The following PGCKA1 variants were observed in gnomAD, a reference collection of about 807,000 sequenced individuals.
PGCKA1 encodes PDCD10 and GCKIII kinases-associated protein 1.
At chr4:37,524,057 A>G in the PGCKA1 span, among the ~76,000 whole-genome samples, 3 of 152,234 alleles carry the variant, frequency 2.0e-5, no homozygotes, top group Admixed American at 1.3e-4. Context: ...TGGCATTTAC[A>G]TTTCAAGAAG....
chr4:37,495,860 G>GA, the PGCKA1 span, among the ~76,000 whole-genome samples: 775 of 147,758 alleles, frequency 5.2e-3, 7 homozygotes, highest in African/African-American at 0.015. Context: ...TATAATTTAA[G>GA]AAAAAAAAAA....
chr4:37,470,937 A>T, the PGCKA1 span, among the ~76,000 whole-genome samples: 1 of 152,214 alleles, frequency 6.6e-6, no homozygotes, highest in Non-Finnish European at 1.5e-5. Flanking sequence ...CTCAACAAAT[A>T]TGTATTCAAC....
chr4:37,459,605 T>A, the PGCKA1 span, among the ~76,000 whole-genome samples: 2 of 152,172 alleles, frequency 1.3e-5, no homozygotes, highest in Non-Finnish European at 2.9e-5. Context: ...ACCAGCAGCA[T>A]CATAACCATC....
chr4:37,498,636 A>G, the PGCKA1 span, among the ~76,000 whole-genome samples: 5 of 152,050 alleles, frequency 3.3e-5, no homozygotes, highest in Non-Finnish European at 5.9e-5. Context: ...TGTTAGGTAT[A>G]TTCCTAAATA....
At chr4:37,504,326 A>G in the PGCKA1 span, among the ~76,000 whole-genome samples, 3 of 152,140 alleles carry the variant, frequency 2.0e-5, no homozygotes, top group East Asian at 1.9e-4. Flanking sequence ...GTTTTGTACT[A>G]TAGCTCTATA....
chr4:37,535,397 A>T, the PGCKA1 span, among the ~76,000 whole-genome samples: 6 of 152,282 alleles, frequency 3.9e-5, no homozygotes, highest in South Asian at 1.2e-3. Flanking sequence ...CAAAAAACAG[A>T]ATATTTTTTC....
chr4:37,472,004 G>A, the PGCKA1 span, among the ~76,000 whole-genome samples: 1 of 152,124 alleles, frequency 6.6e-6, no homozygotes, highest in Non-Finnish European at 1.5e-5. Context: ...TGATTAATAT[G>A]TATGGCTACC....
the PGCKA1 span, among the ~76,000 whole-genome samples, chr4:37,585,016 T>C: frequency 6.7e-6 from 1 of 149,376 alleles, no homozygotes; most frequent in Admixed American, 6.7e-5. Context: ...GTTTTTTTTT[T>C]TTTTTTTACT....
the PGCKA1 span, among the ~76,000 whole-genome samples, chr4:37,518,668 T>C: frequency 6.6e-6 from 1 of 152,232 alleles, no homozygotes; most frequent in Admixed American, 6.5e-5. Context: ...ATTCTGATTA[T>C]GAATCCCTTG....
At chr4:37,552,691 T>C in the PGCKA1 span, among the ~76,000 whole-genome samples, 1 of 152,208 alleles carries the variant, frequency 6.6e-6, no homozygotes, top group African/African-American at 2.4e-5. Context: ...CTTTTTTTTA[T>C]CTCATCATTA....
the PGCKA1 span, among the ~76,000 whole-genome samples, chr4:37,484,858 C>T: frequency 0.062 from 9,451 of 152,242 alleles, 368 homozygotes; most frequent in Middle Eastern, 0.088. Flanking sequence ...TCCCAACCTC[C>T]ATAACTGTGA....
At chr4:37,536,535 T>C in the PGCKA1 span, among the ~76,000 whole-genome samples, 1 of 152,096 alleles carries the variant, frequency 6.6e-6, no homozygotes, top group Non-Finnish European at 1.5e-5. Flanking sequence ...CTCACTCAGG[T>C]GTCTCTTGGC....
At chr4:37,557,972 CTG>C in the PGCKA1 span, 11 of 152,168 alleles carry the variant, frequency 7.2e-5, no homozygotes, top group African/African-American at 2.4e-4. Context: ...TAATACCTGA[CTG>C]TGAAAAGAAG....
chr4:37,590,079 T>G, the PGCKA1 span: 1 of 1,603,364 alleles, frequency 6.2e-7, no homozygotes, highest in Non-Finnish European at 8.5e-7. Context: ...TTCATTGTCT[T>G]TCCTGAAGCT....
chr4:37,560,919 A>G, the PGCKA1 span, among the ~76,000 whole-genome samples: 1 of 150,834 alleles, frequency 6.6e-6, no homozygotes, highest in African/African-American at 2.4e-5. Flanking sequence ...AAACCATCCT[A>G]TAATCCTATA....
At chr4:37,577,346 C>T in the PGCKA1 span, among the ~76,000 whole-genome samples, 2 of 151,992 alleles carry the variant, frequency 1.3e-5, no homozygotes, top group Non-Finnish European at 2.9e-5. Context: ...TCTAGATTTT[C>T]CAGTTTATTG....
At chr4:37,487,284 C>A in the PGCKA1 span, among the ~76,000 whole-genome samples, 2 of 152,166 alleles carry the variant, frequency 1.3e-5, no homozygotes, top group African/African-American at 4.8e-5. Flanking sequence ...TGTACATGAA[C>A]TACACTCACC....
the PGCKA1 span, among the ~76,000 whole-genome samples, chr4:37,569,705 C>T: frequency 6.6e-6 from 1 of 152,044 alleles, no homozygotes; most frequent in Non-Finnish European, 1.5e-5. Context: ...GTTCTGTAGC[C>T]CAATAATGTA....
At chr4:37,477,055 GA>G in the PGCKA1 span, among the ~76,000 whole-genome samples, 1,907 of 152,086 alleles carry the variant, frequency 0.013, 61 homozygotes, top group East Asian at 0.11. Context: ...AATATCCAAG[GA>G]AAAAAACATA....
Sources: allele counts gnomAD v4.1 joint callset (sites outside exome capture counted in the v4.1 genomes callset), GRCh38; gene constraint gnomAD v4.1.1; transcripts MANE v1.5; gene names NCBI Gene and HGNC (gene_info 2026-07-23, HGNC 2026-07-21).